HTR2C: variants seen among roughly 807,000 people sequenced by gnomAD.
The protein encoded by HTR2C is 5-hydroxytryptamine receptor 2C.
HTR2C carries 5 observed loss-of-function variants against 21.0 expected under a neutral mutation model. That is an observed-to-expected ratio of 0.24 (90% confidence interval 0.12 to 0.50). The LOEUF (loss-of-function observed/expected upper bound fraction) is 0.50. Ranked by LOEUF, HTR2C falls within the 20% of genes least tolerant of loss-of-function variation. The pLI is 0.98. For synonymous variants in HTR2C, 150 were observed against 145.3 expected (o/e 1.03, Z -0.23); for missense variants, 271 against 371.2 (o/e 0.73, Z 2.22).
At chrX:114,835,992 G>T (rs5946000) in intron 4 of HTR2C, among the ~76,000 whole-genome samples, 69 of 99,478 alleles carry the variant, frequency 6.9e-4, no homozygotes, top group Non-Finnish European at 9.7e-4. Context: ...GCCCCTGCTG[G>T]GGGGTGCCTC....
chrX:114,738,681 T>G (rs1391147503), intron 4 of HTR2C, among the ~76,000 whole-genome samples: 2 of 110,607 alleles, frequency 1.8e-5, no homozygotes, highest in Non-Finnish European at 3.8e-5. Flanking sequence ...AGACAAAACC[T>G]AATGCATGCA....
chrX:114,659,291 A>G (rs1556409777), intron 2 of HTR2C, among the ~76,000 whole-genome samples: 2 of 111,330 alleles, frequency 1.8e-5, no homozygotes, highest in Non-Finnish European at 3.8e-5. Flanking sequence ...CAGACAAACC[A>G]TATCAATTAC....
At chrX:114,692,282 T>G (rs1556415211) in intron 2 of HTR2C, among the ~76,000 whole-genome samples, 1 of 112,004 alleles carries the variant, frequency 8.9e-6, no homozygotes, top group Non-Finnish European at 1.9e-5. Flanking sequence ...ACTCATTTCA[T>G]AATAAGACTT....
chrX:114,734,564 T>TAAAAAAAAA (rs61672860), intron 4 of HTR2C, among the ~76,000 whole-genome samples: 15 of 34,300 alleles, frequency 4.4e-4, no homozygotes, highest in African/African-American at 1.5e-3. Flanking sequence ...GCCTTACATG[T>TAAAAAAAAA]AAAAAAAAAA....
intron 4 of HTR2C, among the ~76,000 whole-genome samples, chrX:114,736,248 A>T (rs2147350853): frequency 8.9e-6 from 1 of 111,958 alleles, no homozygotes; most frequent in Admixed American, 9.5e-5. Flanking sequence ...TATTAAACAT[A>T]AAAGATTTTT....
intron 2 of HTR2C, among the ~76,000 whole-genome samples, chrX:114,700,856 C>T (rs1449959755): frequency 8.9e-6 from 1 of 112,390 alleles, no homozygotes; most frequent in Non-Finnish European, 1.9e-5. Context: ...ACTCCCACCC[C>T]AATACTGCGC....
chrX:114,667,606 T>C (rs190036610), intron 2 of HTR2C, among the ~76,000 whole-genome samples: 284 of 111,833 alleles, frequency 2.5e-3, no homozygotes, highest in African/African-American at 8.5e-3. Context: ...GTTTAAGCGA[T>C]TTATGACATG....
At chrX:114,885,484 A>T (rs1426221120) in intron 5 of HTR2C, among the ~76,000 whole-genome samples, 3 of 111,847 alleles carry the variant, frequency 2.7e-5, no homozygotes, top group African/African-American at 9.7e-5. Context: ...TAGATTTTTT[A>T]AAATCCAAAT....
intron 4 of HTR2C, among the ~76,000 whole-genome samples, chrX:114,778,389 ATTC>A (rs1306491202): frequency 8.9e-6 from 1 of 111,866 alleles, no homozygotes; most frequent in Admixed American, 9.5e-5. Context: ...TAACAAAATT[ATTC>A]TTAGGAATTG....
At chrX:114,704,724 A>C in intron 2 of HTR2C, among the ~76,000 whole-genome samples, 1 of 111,093 alleles carries the variant, frequency 9.0e-6, no homozygotes, top group Non-Finnish European at 1.9e-5. Context: ...AGGCAGGAGA[A>C]GGAAATAAAG....
intron 2 of HTR2C, among the ~76,000 whole-genome samples, chrX:114,720,126 G>A (rs1933138610): frequency 9.0e-6 from 1 of 111,456 alleles, no homozygotes; most frequent in African/African-American, 3.3e-5. Flanking sequence ...AGAAAGAGAT[G>A]TCTGTGTTGT....
intron 2 of HTR2C, among the ~76,000 whole-genome samples, chrX:114,726,477 T>G (rs1933489378): frequency 8.9e-6 from 1 of 112,644 alleles, no homozygotes; most frequent in Admixed American, 9.4e-5. Context: ...ACCCTTCTTC[T>G]GCGTCGCTCA....
At chrX:114,678,545 T>C (rs1296309222) in intron 2 of HTR2C, among the ~76,000 whole-genome samples, 1 of 111,610 alleles carries the variant, frequency 9.0e-6, no homozygotes, top group Admixed American at 9.6e-5. Context: ...CAGACCATTC[T>C]GGGGAATGAA....
chrX:114,724,964 C>G (rs1391447091), intron 2 of HTR2C, among the ~76,000 whole-genome samples: 5 of 110,276 alleles, frequency 4.5e-5, no homozygotes, highest in Non-Finnish European at 9.5e-5. Context: ...TCCTTCATTT[C>G]AACTTTGGTG....
intron 2 of HTR2C, among the ~76,000 whole-genome samples, chrX:114,711,521 C>A (rs1439703837): frequency 9.0e-6 from 1 of 111,506 alleles, no homozygotes; most frequent in Non-Finnish European, 1.9e-5. Context: ...TCTACATGGG[C>A]AGAGCTCTTT....
intron 2 of HTR2C, among the ~76,000 whole-genome samples, chrX:114,646,411 C>G (rs1379978513): frequency 1.8e-5 from 2 of 111,936 alleles, no homozygotes; most frequent in Non-Finnish European, 3.8e-5. Context: ...TTAAAAATCA[C>G]AACATTATTT....
At chrX:114,603,732 T>C (rs13249068) in intron 1 of HTR2C, among the ~76,000 whole-genome samples, 250 of 18,989 alleles carry the variant, frequency 0.013, 18 homozygotes, top group East Asian at 0.079. Flanking sequence ...TAAGTGAAAG[T>C]GAAGAGAGGC....
chrX:114,594,430 C>T (rs1366795256), intron 1 of HTR2C, among the ~76,000 whole-genome samples: 4 of 110,661 alleles, frequency 3.6e-5, no homozygotes, highest in African/African-American at 6.5e-5. Flanking sequence ...ATGTTTAATA[C>T]ATATATAGAA....
chrX:114,638,419 G>A (rs1175146416), intron 2 of HTR2C, among the ~76,000 whole-genome samples: 2 of 111,259 alleles, frequency 1.8e-5, no homozygotes, highest in Non-Finnish European at 3.8e-5. Flanking sequence ...GATCAAATAT[G>A]TTGTAAATGG....
Sources: allele counts gnomAD v4.1 joint callset (sites outside exome capture counted in the v4.1 genomes callset), GRCh38; gene constraint gnomAD v4.1.1; transcripts MANE v1.5; gene names NCBI Gene and HGNC (gene_info 2026-07-23, HGNC 2026-07-21).